The following ZNF407 variants were observed in gnomAD, a reference collection of about 807,000 sequenced individuals.
ZNF407 encodes zinc finger protein 407.
Under a neutral mutation model 131.2 loss-of-function variants are expected in ZNF407, and 17 were observed. The observed-to-expected ratio is 0.13, with a 90% CI of 0.09 to 0.19. ZNF407 has a LOEUF of 0.19. Ranked by LOEUF, ZNF407 falls within the 10% of genes least tolerant of loss-of-function variation. The probability of loss-of-function intolerance (pLI) is 1.00; values close to 1 mark genes in which losing one functional copy is unlikely to be tolerated. For synonymous variants in ZNF407, 1,156 were observed against 1,062.0 expected, an observed-to-expected ratio of 1.09 and a Z score of -1.72; for missense variants, 2,681 against 2,830.6, an observed-to-expected ratio of 0.95 and a Z score of 1.20.
At chr18:75,033,962 C>G (rs1973275299) in intron 8 of ZNF407, among the ~76,000 whole-genome samples, 2 of 152,146 alleles carry the variant, frequency 1.3e-5, no homozygotes, top group African/African-American at 4.8e-5. Flanking sequence ...ATATTTTCTT[C>G]ATATTTATCT....
chr18:74,998,454 A>G (rs1599285977), intron 8 of ZNF407, among the ~76,000 whole-genome samples: 1 of 152,220 alleles, frequency 6.6e-6, no homozygotes, highest in South Asian at 2.1e-4. Flanking sequence ...CCACTTTTCC[A>G]TATAATGCTT....
chr18:74,843,038 C>G (rs1970655739), intron 4 of ZNF407, among the ~76,000 whole-genome samples: 1 of 152,134 alleles, frequency 6.6e-6, no homozygotes, highest in Non-Finnish European at 1.5e-5. Flanking sequence ...TTAATACTAA[C>G]TTTTCATGGG....
intron 3 of ZNF407, among the ~76,000 whole-genome samples, chr18:74,662,823 T>C (rs1042625920): frequency 6.6e-6 from 1 of 152,196 alleles, no homozygotes; most frequent in African/African-American, 2.4e-5. Context: ...CAATTGTCAC[T>C]CTGTCAGTCA....
chr18:74,842,683 A>AT (rs2145133625), intron 4 of ZNF407, among the ~76,000 whole-genome samples: 1 of 151,736 alleles, frequency 6.6e-6, no homozygotes, highest in South Asian at 2.1e-4. Context: ...ATGTTTGCTT[A>AT]TTTTATATAC....
intron 3 of ZNF407, among the ~76,000 whole-genome samples, chr18:74,741,100 A>G (rs1322779664): frequency 2.0e-5 from 3 of 152,226 alleles, no homozygotes; most frequent in South Asian, 2.1e-4. Context: ...ATTGTGACAT[A>G]TAAGATGGCT....
chr18:74,991,255 C>T (rs1972715453), intron 8 of ZNF407, among the ~76,000 whole-genome samples: 1 of 152,216 alleles, frequency 6.6e-6, no homozygotes, highest in Non-Finnish European at 1.5e-5. Flanking sequence ...CCTGTAGAAG[C>T]TTCACATAGC....
chr18:74,835,569 A>AG (rs1000679600), intron 4 of ZNF407, among the ~76,000 whole-genome samples: 19 of 152,008 alleles, frequency 1.2e-4, no homozygotes, highest in African/African-American at 3.6e-4. Context: ...GAGATAAAGA[A>AG]GTAAACTTGT....
chr18:74,641,642 A>T (rs973925262), intron 3 of ZNF407, among the ~76,000 whole-genome samples: 1 of 152,138 alleles, frequency 6.6e-6, no homozygotes, highest in African/African-American at 2.4e-5. Context: ...GTGTAACTTT[A>T]TTTCAAAACT....
At chr18:74,769,222 T>G (rs891444555) in intron 3 of ZNF407, among the ~76,000 whole-genome samples, 1 of 152,192 alleles carries the variant, frequency 6.6e-6, no homozygotes, top group Non-Finnish European at 1.5e-5. Flanking sequence ...GTGATATTCT[T>G]TTATGGCCTA....
intron 1 of ZNF407, among the ~76,000 whole-genome samples, chr18:74,622,898 C>CTG (rs1568373399): frequency 1.3e-5 from 2 of 151,716 alleles, no homozygotes; most frequent in Admixed American, 6.6e-5. Context: ...AAGTGCGTGT[C>CTG]TGTTTTAGTG....
chr18:74,632,126 T>G lies in ZNF407; in HGVS notation c.1107T>G (p.Leu369=), dbSNP rs767443149. 1 of 1,613,916 alleles carries G rather than the reference T, an allele frequency of 6.2e-7. No individual in the cohort carries two copies. Among genetic ancestry groups the G allele is most frequent in the Non-Finnish European group, 8.5e-7 (1 of 1,179,904 alleles). The change falls in exon 2 of 9, where the codon CTT becomes CTG. Residue 369 remains leucine (L), a synonymous_variant. Transcript: ENST00000299687. ...VEIVEEHVTS[L]GLAQNPENQS... is the part of the protein sequence containing the mutation. ...TTGTTGAAGAACATGTTACTTCCCT[T>G]GGTCTAGCTCAGAATCCTGAAAACC...
intron 4 of ZNF407, among the ~76,000 whole-genome samples, chr18:74,824,557 A>C (rs1970383675): frequency 1.3e-5 from 2 of 152,316 alleles, no homozygotes; most frequent in South Asian, 4.1e-4. Flanking sequence ...CAGAAATACA[A>C]ACTACCATCA....
chr18:74,795,922 C>T (rs1470639232), intron 4 of ZNF407, among the ~76,000 whole-genome samples: 1 of 152,234 alleles, frequency 6.6e-6, no homozygotes, highest in Non-Finnish European at 1.5e-5. Flanking sequence ...CCACATGTGG[C>T]ATTTCATACC....
chr18:74,679,182 G>A (rs993205523), intron 3 of ZNF407, among the ~76,000 whole-genome samples: 6 of 152,202 alleles, frequency 3.9e-5, no homozygotes, highest in East Asian at 3.8e-4. Flanking sequence ...CACAGGAAAC[G>A]TTAATTCTAG....
chr18:74,964,025 GTCTTT>G (rs1972379787), intron 8 of ZNF407, among the ~76,000 whole-genome samples: 1 of 152,212 alleles, frequency 6.6e-6, no homozygotes, highest in African/African-American at 2.4e-5. Flanking sequence ...GAACAGTAAT[GTCTTT>G]TCCAGCCATG....
At chr18:74,742,838 G>A (rs1233021398) in intron 3 of ZNF407, among the ~76,000 whole-genome samples, 2 of 152,098 alleles carry the variant, frequency 1.3e-5, no homozygotes, top group South Asian at 2.1e-4. Context: ...AAAAAACAAT[G>A]TGGTTACCTT....
chr18:74,861,028 A>G (rs991358259), intron 4 of ZNF407, among the ~76,000 whole-genome samples: 1 of 152,300 alleles, frequency 6.6e-6, no homozygotes, highest in Middle Eastern at 3.4e-3. Flanking sequence ...CCTTGGGAGC[A>G]GTCACCTTTC....
intron 3 of ZNF407, among the ~76,000 whole-genome samples, chr18:74,648,666 G>A (rs1234816500): frequency 2.6e-5 from 4 of 152,244 alleles, no homozygotes; most frequent in South Asian, 4.2e-4. Flanking sequence ...ATGAAAACAG[G>A]TTGATAACTG....
intron 8 of ZNF407, among the ~76,000 whole-genome samples, chr18:75,004,919 T>G (rs931327969): frequency 6.6e-6 from 1 of 152,122 alleles, no homozygotes; most frequent in Admixed American, 6.5e-5. Flanking sequence ...GATGGGCAAA[T>G]GACCTCAAGC....
Sources: gnomAD v4.1 joint callset for allele counts (sites outside exome capture counted in the v4.1 genomes callset) on GRCh38, gnomAD v4.1.1 for gene constraint, MANE v1.5 for transcripts, NCBI Gene and HGNC (gene_info 2026-07-23, HGNC 2026-07-21) for gene names.